ARF4: variants seen among roughly 807,000 people sequenced by gnomAD.
The protein encoded by ARF4 is ADP-ribosylation factor 4.
A neutral mutation model predicts 24.3 loss-of-function variants in ARF4; 5 were observed. The observed-to-expected ratio is 0.21, with a 90% confidence interval of 0.11 to 0.43. The LOEUF is 0.43. ARF4 is among the 20% of genes least tolerant of loss of function. ARF4 has a pLI of 1.00. For synonymous variants in ARF4, 62 were observed against 73.5 expected (o/e 0.84, Z 0.80); for missense variants, 107 against 213.0 (o/e 0.50, Z 3.10).
intron 4 of ARF4, among the ~76,000 whole-genome samples, chr3:57,576,970 A>G (rs2069912944): frequency 6.6e-6 from 1 of 151,408 alleles, no homozygotes; most frequent in Non-Finnish European, 1.5e-5. Flanking sequence ...AGCACTATAG[A>G]TTTGATATCT....
At chr3:57,596,977 C>G in intron 1 of ARF4, 97 bp downstream of exon 1, 1 of 1,379,558 alleles carries the variant, frequency 7.2e-7, no homozygotes, top group Non-Finnish European at 1.0e-6. Flanking sequence ...CCTCCCCCAC[C>G]ACAGCGGGCG....
At chr3:57,592,404 C>T (rs962523207) in intron 1 of ARF4, among the ~76,000 whole-genome samples, 2 of 152,052 alleles carry the variant, frequency 1.3e-5, no homozygotes, top group African/African-American at 4.8e-5. Context: ...AGAAGGATTG[C>T]TTGAACCCAG....
At position 57,586,693 on chromosome 3, in the gene ARF4, T is replaced by C. The variant is rs554906858; in HGVS notation, c.68-2229A>G. Among the ~76,000 whole-genome samples, 7 of 152,246 alleles carry C rather than the reference T, an allele frequency of 4.6e-5. No homozygotes were observed. The South Asian group carries it at 1.2e-3, about 27-fold the overall frequency. On this transcript the variant is annotated intron_variant, in intron 1 of 5. Coordinates refer to ENST00000303436, the MANE Select transcript of ARF4 (RefSeq NM_001660.4). ...ATACAAGTGTTTTATTTTTTGAGCATGGAACATTATCAAAAAAATCAGAAA... is the reference window on the plus strand; with the variant it reads ...ATACAAGTGTTTTATTTTTTGAGCACGGAACATTATCAAAAAAATCAGAAA...
At chr3:57,592,374 G>A (rs2070126399) in intron 1 of ARF4, among the ~76,000 whole-genome samples, 1 of 152,002 alleles carries the variant, frequency 6.6e-6, no homozygotes, top group Non-Finnish European at 1.5e-5. Context: ...TGTAATCCCA[G>A]CTACTGGAGA....
intron 3 of ARF4, among the ~76,000 whole-genome samples, chr3:57,582,911 T>A (rs2153408902): frequency 6.6e-6 from 1 of 152,328 alleles, no homozygotes; most frequent in South Asian, 2.1e-4. Context: ...GAGAGTTAGA[T>A]TAGAACAGTG....
chr3:57,593,247 T>G (rs2070136292), intron 1 of ARF4, among the ~76,000 whole-genome samples: 1 of 152,078 alleles, frequency 6.6e-6, no homozygotes, highest in African/African-American at 2.4e-5. Flanking sequence ...AGAGTAAATA[T>G]GACAGAATAG....
At chr3:57,577,971 C>T (rs374216508) in intron 3 of ARF4, among the ~76,000 whole-genome samples, 76 of 151,998 alleles carry the variant, frequency 5.0e-4, no homozygotes, top group African/African-American at 1.6e-3. Flanking sequence ...GGAGGAATCA[C>T]GAGCCCGAGA....
At chr3:57,595,315 T>G (rs1284644688) in intron 1 of ARF4, among the ~76,000 whole-genome samples, 1 of 152,234 alleles carries the variant, frequency 6.6e-6, no homozygotes, top group Non-Finnish European at 1.5e-5. Context: ...CATAACCATA[T>G]ATTGTTAAAT....
Position 57,583,982 on chromosome 3 carries a change from A to G in ARF4, c.174T>C (p.Tyr58=). 6.2e-7 allele frequency: 1 copy of G among 1,612,226 alleles called. No homozygotes were observed. The highest frequency in any genetic ancestry group is 8.5e-7 in the Non-Finnish European group (1 of 1,178,456). ...CCCATACTGTGAAACAAATGTTCTT[A>G]TATTCTACTGTTTCCACATTAAAAC... The part of the protein sequence containing the change: ...TIGFNVETVE[Y]KNICFTVWDV... The change falls in exon 3 of 6, where the codon TAT becomes TAC. Residue 58 remains tyrosine (Y), a synonymous_variant. Coordinates refer to ENST00000303436, the MANE Select transcript of ARF4 (RefSeq NM_001660.4).
chr3:57,596,659 G>A (rs931572340), intron 1 of ARF4: 6 of 186,838 alleles, frequency 3.2e-5, no homozygotes, highest in Admixed American at 5.8e-5. Context: ...GAAGGGGAGG[G>A]AAAAGGCTGG....
At chr3:57,579,631 T>C (rs1169556931) in intron 3 of ARF4, among the ~76,000 whole-genome samples, 1 of 152,192 alleles carries the variant, frequency 6.6e-6, no homozygotes, top group Non-Finnish European at 1.5e-5. Context: ...ATTACCACAG[T>C]ACTGGGCTCT....
At chr3:57,574,655 C>T (rs1353816569) in intron 5 of ARF4, among the ~76,000 whole-genome samples, 1 of 152,070 alleles carries the variant, frequency 6.6e-6, no homozygotes, top group Non-Finnish European at 1.5e-5. Context: ...AATCCTCCTG[C>T]CTTGGGTTCC....
chr3:57,585,889 T>C (rs1352406966), intron 1 of ARF4, among the ~76,000 whole-genome samples: 1 of 152,136 alleles, frequency 6.6e-6, no homozygotes, highest in African/African-American at 2.4e-5. Flanking sequence ...CTTGAACTCC[T>C]GACCTCGGGT....
chr3:57,588,459 G>A (rs1362208962), intron 1 of ARF4, among the ~76,000 whole-genome samples: 1 of 152,244 alleles, frequency 6.6e-6, no homozygotes, highest in Non-Finnish European at 1.5e-5. Flanking sequence ...TGTAATCCCA[G>A]CATGTTGGGA....
At chr3:57,582,152 T>A (rs374338766) in intron 3 of ARF4, among the ~76,000 whole-genome samples, 2 of 152,224 alleles carry the variant, frequency 1.3e-5, no homozygotes, top group South Asian at 4.1e-4. Flanking sequence ...ACCTTGTATT[T>A]AACATTTTCC....
intron 1 of ARF4, chr3:57,596,812 A>T (rs1021285673): frequency 1.5e-5 from 7 of 457,548 alleles, no homozygotes; most frequent in South Asian, 1.2e-4. Flanking sequence ...CCAGCTTTCA[A>T]TAAGATCAAG....
At chr3:57,583,591 C>T (rs2070001683) in intron 3 of ARF4, among the ~76,000 whole-genome samples, 1 of 152,140 alleles carries the variant, frequency 6.6e-6, no homozygotes, top group South Asian at 2.1e-4. Flanking sequence ...TTTATACAGA[C>T]CTTACTTTCT....
chr3:57,584,797 C>T (rs1349379265), intron 1 of ARF4, among the ~76,000 whole-genome samples: 1 of 151,358 alleles, frequency 6.6e-6, no homozygotes, highest in African/African-American at 2.4e-5. Context: ...AATAAAGGGA[C>T]TGGATCAGAT....
At chr3:57,583,071 C>T (rs1338845549) in intron 3 of ARF4, among the ~76,000 whole-genome samples, 1 of 152,106 alleles carries the variant, frequency 6.6e-6, no homozygotes, top group African/African-American at 2.4e-5. Context: ...GAGAGCCCTC[C>T]CCATACCCAA....
Sources: gnomAD v4.1 joint callset for allele counts (sites outside exome capture counted in the v4.1 genomes callset) on GRCh38, gnomAD v4.1.1 for gene constraint, MANE v1.5 for transcripts, NCBI Gene and HGNC (gene_info 2026-07-23, HGNC 2026-07-21) for gene names.